The following PIK3CB variants were observed in gnomAD, a reference collection of about 807,000 sequenced individuals.
PIK3CB encodes the protein phosphatidylinositol-4,5-bisphosphate 3-kinase catalytic subunit beta, also known as phosphatidylinositol 4,5-bisphosphate 3-kinase catalytic subunit beta isoform.
PIK3CB carries 39 observed loss-of-function variants against 136.8 expected under a neutral mutation model. The ratio of observed to expected loss-of-function variants is 0.29; its 90% CI spans 0.22 to 0.37. PIK3CB has a LOEUF of 0.37. Among genes scored for constraint, PIK3CB ranks in the 10% least tolerant of loss-of-function variants. The pLI, the probability that PIK3CB is intolerant of heterozygous loss-of-function variation, is 1.00. For synonymous variants in PIK3CB, 428 were observed against 436.6 expected (o/e 0.98, Z 0.25); for missense variants, 868 against 1,275.4 (o/e 0.68, Z 4.87).
chr3:138,700,525 A>G (rs1205904668), intron 12 of PIK3CB, among the ~76,000 whole-genome samples: 1 of 152,158 alleles, frequency 6.6e-6, no homozygotes, highest in African/African-American at 2.4e-5. Context: ...GTAACTAATT[A>G]CAAATCATCG....
intron 21 of PIK3CB, among the ~76,000 whole-genome samples, chr3:138,659,691 A>G (rs1315655684): frequency 1.3e-5 from 2 of 152,086 alleles, no homozygotes; most frequent in Non-Finnish European, 2.9e-5. Flanking sequence ...GAAAGTTTTA[A>G]GACTTTCTCT....
chr3:138,737,839 T>C lies in PIK3CB; in HGVS notation c.669A>G (p.Val223=). 6.2e-7 allele frequency: 1 copy of C among 1,609,568 alleles called. No individual in the cohort carries two copies. Among genetic ancestry groups the C allele is most frequent in the Non-Finnish European group, 8.5e-7 (1 of 1,177,456 alleles). The change falls in exon 6 of 24, where the codon GTA becomes GTG. Residue 223 remains valine (V), a synonymous_variant. Transcript: ENST00000674063. ...AACGTTTTTGGATTGCCAATTCATTTACTTTGATAGGATTCATATTAGGAG... is the reference window on the plus strand; with the variant it reads ...AACGTTTTTGGATTGCCAATTCATTCACTTTGATAGGATTCATATTAGGAG... ...QVSPNMNPIK[V]NELAIQKRLT...
chr3:138,801,508 A>T (rs1315384299), intron 1 of PIK3CB, among the ~76,000 whole-genome samples: 1 of 152,112 alleles, frequency 6.6e-6, no homozygotes, highest in Non-Finnish European at 1.5e-5. Flanking sequence ...AGGAAGGAGG[A>T]CTGCTTGAGC....
chr3:138,755,730 C>T (rs1559864202), intron 4 of PIK3CB, 24 bp downstream of exon 4: 3 of 1,142,976 alleles, frequency 2.6e-6, no homozygotes, highest in Non-Finnish European at 3.9e-6. Context: ...AGAATTTGTA[C>T]TTTTTTTTTA....
intron 1 of PIK3CB, among the ~76,000 whole-genome samples, chr3:138,803,877 T>G (rs1051837360): frequency 1.3e-5 from 2 of 152,192 alleles, no homozygotes; most frequent in African/African-American, 2.4e-5. Flanking sequence ...CTCAGCAGAA[T>G]GAATTTGACA....
chr3:138,817,957 A>C (rs1933406740), intron 1 of PIK3CB, among the ~76,000 whole-genome samples: 1 of 152,094 alleles, frequency 6.6e-6, no homozygotes, highest in African/African-American at 2.4e-5. Context: ...TCCCATCTCT[A>C]ATAAGGAAAA....
intron 1 of PIK3CB, among the ~76,000 whole-genome samples, chr3:138,804,973 TGAG>T (rs1461478493): frequency 7.0e-6 from 1 of 143,206 alleles, no homozygotes; most frequent in East Asian, 2.2e-4. Context: ...TGCAGTGAGC[TGAG>T]ATCGTGCCAC....
intron 8 of PIK3CB, among the ~76,000 whole-genome samples, chr3:138,732,277 T>C (rs754183544): frequency 6.6e-6 from 1 of 152,142 alleles, no homozygotes; most frequent in Non-Finnish European, 1.5e-5. Context: ...TCTCCAGAAT[T>C]ATTCAACCAA....
At chr3:138,668,683 A>T (rs1362492295) in intron 19 of PIK3CB, among the ~76,000 whole-genome samples, 6 of 152,228 alleles carry the variant, frequency 3.9e-5, no homozygotes, top group Non-Finnish European at 5.9e-5. Context: ...GGCTTTAAAA[A>T]TTTGTTTTAC....
chr3:138,744,514 G>C (rs1439414237), intron 4 of PIK3CB, among the ~76,000 whole-genome samples: 1 of 151,286 alleles, frequency 6.6e-6, no homozygotes, highest in African/African-American at 2.4e-5. Flanking sequence ...TGCTGTCTCA[G>C]GGGTGGCAGA....
chr3:138,778,387 G>C (rs1275089976), intron 2 of PIK3CB: 6 of 300,434 alleles, frequency 2.0e-5, no homozygotes, highest in Non-Finnish European at 4.0e-5. Context: ...GAAGACCACT[G>C]ATGGCCCATC....
chr3:138,809,943 A>G (rs1932931474), intron 1 of PIK3CB, among the ~76,000 whole-genome samples: 1 of 152,120 alleles, frequency 6.6e-6, no homozygotes, highest in Non-Finnish European at 1.5e-5. Context: ...TGATCCTAGG[A>G]TGAGGTAAGA....
At chr3:138,811,184 A>G (rs928374974) in intron 1 of PIK3CB, among the ~76,000 whole-genome samples, 23 of 131,290 alleles carry the variant, frequency 1.8e-4, no homozygotes, top group Middle Eastern at 4.6e-3. Flanking sequence ...CAGAGGTTGC[A>G]GTGAGCCGAG....
chr3:138,665,276 T>C, intron 19 of PIK3CB, 73 bp from the exon 20 acceptor site: 1 of 1,211,866 alleles, frequency 8.3e-7, no homozygotes, highest in Non-Finnish European at 1.1e-6. Flanking sequence ...GATTTTCCCT[T>C]TACTTTTTAA....
At position 138,683,900 on chromosome 3, in the gene PIK3CB, G is replaced by T. The variant is rs1577069047; in HGVS notation, c.2316-113C>A. 1.5e-5 allele frequency: 10 copies of T among 654,240 alleles called. No individual in the cohort carries two copies. The East Asian group carries it at 2.4e-4, about 16-fold the overall frequency. The allele number at this position is 654,240 out of a possible 1,614,324, so 40.5% of individuals were successfully genotyped here. A position where few individuals can be genotyped will look rare whatever the true frequency, so the allele number is the denominator to read the frequency against. The stretch of plus-strand genomic sequence containing the variant: ...CTCCTCACCTATTCCTGTCAGGTCT[G>T]CAGAAGAGTCAGACTTAGAAGAGTC... On this transcript the variant is annotated intron_variant, in intron 17 of 23. Transcript: ENST00000674063.
chr3:138,752,028 A>C (rs1347872675), intron 4 of PIK3CB, among the ~76,000 whole-genome samples: 1 of 151,850 alleles, frequency 6.6e-6, no homozygotes, highest in East Asian at 1.9e-4. Context: ...CTTAAGGTAT[A>C]CCACAGGTTT....
At chr3:138,829,393 A>T (rs1576437854) in intron 1 of PIK3CB, among the ~76,000 whole-genome samples, 1 of 152,218 alleles carries the variant, frequency 6.6e-6, no homozygotes. Context: ...AAAATAGAGT[A>T]AGAACAGAGG....
At position 138,665,024 on chromosome 3, in the gene PIK3CB, G is replaced by T; in HGVS notation, c.2672+12C>A. 6.3e-7 allele frequency: 1 copy of T among 1,582,312 alleles called. No individual in the cohort carries two copies. Among genetic ancestry groups the T allele is most frequent in the South Asian group, 1.1e-5 (1 of 87,150 alleles). ...TGTACAGAAAAATGATAATTAAACA[G>T]AATAAACTAACCCAGAGTTGTATTC... On this transcript the variant is annotated intron_variant, in intron 20 of 23. Transcript: ENST00000674063.
At chr3:138,746,885 G>C (rs1005181268) in intron 4 of PIK3CB, among the ~76,000 whole-genome samples, 5 of 150,242 alleles carry the variant, frequency 3.3e-5, no homozygotes, top group Non-Finnish European at 5.9e-5. Context: ...GAGATAAAAA[G>C]GTGATTCACA....
Sources: allele counts gnomAD v4.1 joint callset (sites outside exome capture counted in the v4.1 genomes callset), GRCh38; gene constraint gnomAD v4.1.1; transcripts MANE v1.5; gene names NCBI Gene and HGNC (gene_info 2026-07-23, HGNC 2026-07-21).